Variants in SLC25A41 observed in about 807,000 individuals in gnomAD.
The protein encoded by SLC25A41 is solute carrier family 25 member 41, also known as mitochondrial carrier protein SCaMC-3L.
A neutral mutation model predicts 34.7 loss-of-function variants in SLC25A41; 35 were observed. The ratio of observed to expected loss-of-function variants is 1.01; its 90% CI spans 0.77 to 1.34. The LOEUF is 1.34. Among genes scored for constraint, SLC25A41 ranks in the 40% most tolerant of loss-of-function variants. The probability of loss-of-function intolerance (pLI) is 0.00; values close to 1 mark genes in which losing one functional copy is unlikely to be tolerated. For missense variants in SLC25A41, 492 were observed against 489.8 expected (o/e 1.00, Z -0.04); for synonymous variants, 190 against 209.9 (o/e 0.91, Z 0.82).
At chr19:6,432,302 G>T in intron 1 of SLC25A41, 98 bp from the exon 2 acceptor site, 4 of 1,316,060 alleles carry the variant, frequency 3.0e-6, no homozygotes, top group Non-Finnish European at 3.1e-6. Context: ...GACCCACCCT[G>T]TTCCCCCAAG....
intron 1 of SLC25A41, among the ~76,000 whole-genome samples, chr19:6,433,089 C>T (rs2092293136): frequency 6.6e-6 from 1 of 152,002 alleles, no homozygotes; most frequent in Non-Finnish European, 1.5e-5. Context: ...CGCTGTGTTG[C>T]TCTGGCTTGA....
intron 4 of SLC25A41, among the ~76,000 whole-genome samples, chr19:6,429,348 A>G (rs1599256226): frequency 4.5e-4 from 5 of 11,188 alleles, no homozygotes; most frequent in Non-Finnish European, 6.9e-4. Flanking sequence ...GGGAAGAGGG[A>G]GAGGAGGGAG....
At chr19:6,433,415 G>A in intron 1 of SLC25A41, 72 bp downstream of exon 1, 1 of 1,466,074 alleles carries the variant, frequency 6.8e-7, no homozygotes, top group Non-Finnish European at 9.5e-7. Context: ...GCCTGTAGAG[G>A]GCGTGGGTAG....
intron 2 of SLC25A41, among the ~76,000 whole-genome samples, chr19:6,431,124 A>C (rs1418851066): frequency 6.6e-6 from 1 of 150,696 alleles, no homozygotes. Flanking sequence ...CTCCTTTTTA[A>C]ATTTTTAATT....
upstream of SLC25A41, among the ~76,000 whole-genome samples, chr19:6,435,498 A>G (rs952745803): frequency 1.3e-5 from 2 of 150,220 alleles, no homozygotes; most frequent in Non-Finnish European, 2.9e-5. Flanking sequence ...AGGCAGGTGG[A>G]TCACCTGAGG....
upstream of SLC25A41, among the ~76,000 whole-genome samples, chr19:6,435,238 GA>G (rs550630442): frequency 0.049 from 5,846 of 118,342 alleles, 383 homozygotes; most frequent in African/African-American, 0.16. Context: ...AAAAAAAAAA[GA>G]AAAAAAAAAA....
At chr19:6,428,558 A>G (rs1384865676) in intron 4 of SLC25A41, among the ~76,000 whole-genome samples, 1 of 147,220 alleles carries the variant, frequency 6.8e-6, no homozygotes, top group Non-Finnish European at 1.5e-5. Flanking sequence ...GCATAGACAT[A>G]TTTTTATATT....
In SLC25A41 at chr19:6,427,319, C is replaced by G. The variant is rs2092247169; in HGVS notation, c.792+15G>C. The stretch of plus-strand genomic sequence containing the variant: ...GCTCCGGCCAGCCCTGCCACCCCCT[C>G]TGCAGGACCCATACCTCATAGACAG... On this transcript the variant is annotated intron_variant, in intron 5 of 6. Coordinates refer to ENST00000321510, the MANE Select transcript of SLC25A41 (RefSeq NM_173637.4). This position sits in a 1 kb window ranked among gnomAD's most constrained non-coding sequence, Gnocchi z 4.9. 1 of 1,605,980 alleles carries G rather than the reference C, an allele frequency of 6.2e-7. No homozygotes were observed. Among genetic ancestry groups the G allele is most frequent in the Non-Finnish European group, 8.5e-7 (1 of 1,175,120 alleles).
At chr19:6,426,883 C>T (rs2092244412) in intron 6 of SLC25A41, among the ~76,000 whole-genome samples, 2 of 152,184 alleles carry the variant, frequency 1.3e-5, no homozygotes, top group South Asian at 4.1e-4. Context: ...AGGGATCCTC[C>T]AGCCTCAGCC....
rs1227688965 is a variant in SLC25A41, at chr19:6,429,058, TG to T, written c.624+665del. ...ATATATAATATATATATTATATATA[TG>T]TTATATATATATATAATATATATAT... On this transcript the variant is annotated intron_variant, in intron 4 of 6. Transcript: ENST00000321510. Among the ~76,000 whole-genome samples, 9 of 36,280 alleles carry T rather than the reference TG, an allele frequency of 2.5e-4. 2 individuals carry two copies. Among genetic ancestry groups the T allele is most frequent in the East Asian group, 9.2e-4 (1 of 1,082 alleles). The allele number at this position is 36,280 out of a possible 152,430, so 23.8% of individuals were successfully genotyped here.
upstream of SLC25A41, among the ~76,000 whole-genome samples, chr19:6,435,174 A>C (rs1181377635): frequency 1.4e-5 from 2 of 147,762 alleles, no homozygotes; most frequent in Admixed American, 6.8e-5. Flanking sequence ...CAGTGAGCTG[A>C]GATCTTGCCA....
intron 2 of SLC25A41, 135 bp downstream of exon 2, chr19:6,431,914 C>T (rs2092286986): frequency 9.5e-7 from 1 of 1,052,998 alleles, no homozygotes; most frequent in East Asian, 2.8e-5. Context: ...TCAATCTCAG[C>T]TAGTCCAGGA....
chr19:6,432,301 T>G (rs1395209450), intron 1 of SLC25A41, 97 bp from the exon 2 acceptor site: 13 of 1,340,712 alleles, frequency 9.7e-6, no homozygotes, highest in African/African-American at 3.0e-5. Flanking sequence ...AGACCCACCC[T>G]GTTCCCCCAA....
In SLC25A41 at chr19:6,432,473, A is replaced by ATTTTT. The variant is rs34519561; in HGVS notation, c.208-274_208-270dup. On this transcript the variant is annotated intron_variant, in intron 1 of 6. Coordinates refer to ENST00000321510, the MANE Select transcript of SLC25A41 (RefSeq NM_173637.4). ...TTATAGGCATGCACCACAACACCTA[A>ATTTTT]TTTTTTTTTTTTTTTTTTTTTTTTT... is the stretch of plus-strand genomic sequence containing the variant. Among the ~76,000 whole-genome samples, 448 of 80,980 alleles carry ATTTTT rather than the reference A, an allele frequency of 5.5e-3. 19 individuals carry two copies. Among genetic ancestry groups the ATTTTT allele is most frequent in the African/African-American group, 0.023 (419 of 18,396 alleles). 53.1% of individuals were successfully genotyped at this position (80,980 alleles called of 152,430 possible). A position where few individuals can be genotyped will look rare whatever the true frequency, so the allele number is the denominator to read the frequency against.
At position 6,429,046 on chromosome 19, in the gene SLC25A41, ATATTATATATATGTTATAT is replaced by A. The variant is rs1568349341; in HGVS notation, c.624+659_624+677del. Among the ~76,000 whole-genome samples, 8 of 53,164 alleles carry A rather than the reference ATATTATATATATGTTATAT, an allele frequency of 1.5e-4. 2 individuals are homozygous for A. The highest frequency in any genetic ancestry group is 8.5e-4 in the African/African-American group (8 of 9,362). The allele number at this position is 53,164 out of a possible 152,430, so 34.9% of individuals were successfully genotyped here. On this transcript the variant is annotated intron_variant, in intron 4 of 6. Transcript: ENST00000321510. ...ATTTATATATATATATATAATATAT[ATATTATATATATGTTATAT>A]ATATATATAATATATATATTATATA...
chr19:6,428,259 A>T (rs2092253183), intron 4 of SLC25A41, among the ~76,000 whole-genome samples: 1 of 152,042 alleles, frequency 6.6e-6, no homozygotes, highest in Non-Finnish European at 1.5e-5. Flanking sequence ...TCTACTAAAA[A>T]TACAAAAATT....
At chr19:6,429,450 AAGAAAGGAGGGGAGGAGGAG>A (rs2092272387) in intron 4 of SLC25A41, among the ~76,000 whole-genome samples, 1 of 2,480 alleles carries the variant, frequency 4.0e-4, no homozygotes, top group African/African-American at 1.5e-3. Flanking sequence ...AAGGAGGAGG[AAGAAAGGAGGGGAGGAGGAG>A]AGGAAAGAGG....
Position 6,427,776 on chromosome 19 carries a change from C to T in SLC25A41, c.625-275G>A, listed in dbSNP as rs897721783. The stretch of plus-strand genomic sequence containing the variant: ...CTGAGGCGGGAGGATCGCTTGAGGC[C>T]GGGAGTTCGAGACCAGCCTGGGCAA... On this transcript the variant is annotated intron_variant, in intron 4 of 6. Transcript: ENST00000321510. The surrounding 1 kb of genome is among the most constrained non-coding windows in gnomAD (Gnocchi z 4.9). Among the ~76,000 whole-genome samples the T allele has an allele frequency of 8.5e-5, 13 of 152,050 alleles. No individual in the cohort carries two copies. The highest frequency in any genetic ancestry group is 3.1e-4 in the African/African-American group (13 of 41,406).
chr19:6,431,002 G>C (rs1599258757), intron 2 of SLC25A41, among the ~76,000 whole-genome samples: 1 of 151,744 alleles, frequency 6.6e-6, no homozygotes, highest in South Asian at 2.1e-4. Context: ...TTTTTGTATA[G>C]ATGGGGTCTT....
Sources: allele counts gnomAD v4.1 joint callset (sites outside exome capture counted in the v4.1 genomes callset), GRCh38; gene constraint gnomAD v4.1.1; non-coding constraint Gnocchi (gnomAD v3.1); transcripts MANE v1.5; gene names NCBI Gene and HGNC (gene_info 2026-07-23, HGNC 2026-07-21).